The following PCK1 variants were observed in gnomAD, a reference collection of about 807,000 sequenced individuals.
PCK1 encodes the protein phosphoenolpyruvate carboxykinase 1, also known as phosphoenolpyruvate carboxykinase, cytosolic [GTP].
Under a neutral mutation model 50.3 loss-of-function variants are expected in PCK1, and 44 were observed. The observed-to-expected ratio is 0.87, with a 90% CI of 0.69 to 1.12. The LOEUF is 1.12. PCK1 is among the 50% of genes most tolerant of loss of function. The pLI is 0.00. For missense variants in PCK1, 790 were observed against 815.0 expected (o/e 0.97, Z 0.37); for synonymous variants, 332 against 314.3 (o/e 1.06, Z -0.59).
Position 57,563,161 on chromosome 20 carries a change from C to T in PCK1, c.744C>T (p.Leu248=). ...TGCTCGGGAAGAAGTGCTTTGCTCT[C>T]AGGATGGCCAGCCGGCTGGCCAAGG... ...NSLLGKKCFA[L]RMASRLAKEE... The change falls in exon 5 of 10, where the codon CTC becomes CTT. Residue 248 remains leucine, a synonymous_variant. Coordinates refer to ENST00000319441, the MANE Select transcript of PCK1 (RefSeq NM_002591.4). 1 of 1,613,776 alleles carries T rather than the reference C, an allele frequency of 6.2e-7. No homozygotes were observed. Among genetic ancestry groups the T allele is most frequent in the East Asian group, 2.2e-5 (1 of 44,850 alleles).
rs1312079166 is a variant in PCK1 at position 57,567,737 on chromosome 20, C to T, written c.*1933C>T. 6.6e-6 allele frequency: 1 copy of T among 152,202 alleles called. No individual in the cohort carries two copies. The highest frequency in any genetic ancestry group is 2.4e-5 in the African/African-American group (1 of 41,430). 9.4% of individuals were successfully genotyped at this position (152,202 alleles called of 1,614,324 possible). A position where few individuals can be genotyped will look rare whatever the true frequency, so the allele number is the denominator to read the frequency against. ...TCCTTGGACCCCTGAAAGAGGCCAC[C>T]AGGATAAACTTTGTTAAAATGCATG... On this transcript the variant is annotated 3_prime_UTR_variant, in exon 10 of 10. Coordinates refer to ENST00000319441, the MANE Select transcript of PCK1 (RefSeq NM_002591.4).
chr20:57,565,464 A>G lies in PCK1; in HGVS notation c.1529A>G (p.Lys510Arg), dbSNP rs1353709008. Reference protein sequence around the residue: ...MAQHPAAKLPKIFHVNWFRKD... With the variant: ...MAQHPAAKLPRIFHVNWFRKD... ...CAGCACCCAGCAGCCAAACTGCCCA[A>G]GATCTTCCATGTCAACTGGTTCCGG... Residue 510 changes from lysine (K) to arginine (R), a missense_variant, in exon 10 of 10, where the codon AAG (lysine) becomes AGG (arginine). Coordinates refer to ENST00000319441, the MANE Select transcript of PCK1 (RefSeq NM_002591.4). The G allele has an allele frequency of 6.2e-7, 1 of 1,614,222 alleles. No homozygotes were observed. Among genetic ancestry groups the G allele is most frequent in the African/African-American group, 1.3e-5 (1 of 75,066 alleles).
Position 57,568,045 on chromosome 20 carries a change from CCTCT to C in PCK1, c.*2242_*2245del, listed in dbSNP as rs2070218083. On this transcript the variant is annotated 3_prime_UTR_variant, in exon 10 of 10. Coordinates refer to ENST00000319441, the MANE Select transcript of PCK1 (RefSeq NM_002591.4). ...CCCAAACCATGCCTCCTGAGTGCTC[CCTCT>C]GTCTCCAAATCCTGATTTTTGTGCG... is the stretch of plus-strand genomic sequence containing the variant. The C allele has an allele frequency of 6.6e-6, 1 of 152,250 alleles. No homozygotes were observed. Among genetic ancestry groups the C allele is most frequent in the Non-Finnish European group, 1.5e-5 (1 of 68,060 alleles). The allele number at this position is 152,250 out of a possible 1,614,324, so 9.4% of individuals were successfully genotyped here.
chr20:57,561,507 G>A lies in PCK1; in HGVS notation c.96G>A (p.Glu32=), dbSNP rs1475717827. ...CCCAGGCAGTGAGGGAGTTTCTCGA[G>A]AATAACGCTGAGCTGTGTCAGCCTG... The part of the protein sequence containing the change: ...SLPQAVREFL[E]NNAELCQPDH... The change falls in exon 2 of 10, where the codon GAG becomes GAA. Residue 32 remains glutamate, a synonymous_variant. Coordinates refer to ENST00000319441, the MANE Select transcript of PCK1 (RefSeq NM_002591.4). 9 of 1,613,802 alleles carry A rather than the reference G, an allele frequency of 5.6e-6. No homozygotes were observed. Among genetic ancestry groups the A allele is most frequent in the South Asian group, 4.4e-5 (4 of 91,080 alleles).
rs144697339 is a variant in PCK1 at position 57,562,110 on chromosome 20, C to T, written c.264C>T (p.Ile88=). Residue 88 remains isoleucine, a synonymous_variant, in exon 3 of 10, where the codon ATC becomes ATT. Transcript: ENST00000319441. ...CTGACCCCAGGGATGTGGCCAGGAT[C>T]GAAAGCAAGACGGTTATCGTCACCC... ...ALTDPRDVAR[I]ESKTVIVTQE... is the part of the protein sequence containing the mutation. 1.9e-5 allele frequency: 31 copies of T among 1,614,016 alleles called. No individual in the cohort carries two copies. The highest frequency in any genetic ancestry group is 2.7e-5 in the African/African-American group (2 of 74,898).
In PCK1 at chr20:57,563,067, C is replaced by T. The variant is rs377150721; in HGVS notation, c.650C>T (p.Thr217Met). Residue 217 changes from threonine to methionine, a missense_variant, in exon 5 of 10, where the codon ACG becomes ATG. Coordinates refer to ENST00000319441, the MANE Select transcript of PCK1 (RefSeq NM_002591.4). ...VNNWPCNPEL[T>M]LIAHLPDRRE... is the part of the protein sequence containing the mutation. ...AACTGGCCCTGCAACCCGGAGCTGA[C>T]GCTCATCGCCCACCTGCCTGACCGC... 3.2e-5 allele frequency: 52 copies of T among 1,613,926 alleles called. No individual in the cohort carries two copies. Among genetic ancestry groups the T allele is most frequent in the African/African-American group, 5.3e-5 (4 of 74,946 alleles).
chr20:57,563,704 C>T lies in PCK1; in HGVS notation c.938C>T (p.Ala313Val), dbSNP rs2146528930. 1 of 1,611,578 alleles carries T rather than the reference C, an allele frequency of 6.2e-7. No homozygotes were observed. Among genetic ancestry groups the T allele is most frequent in the Non-Finnish European group, 8.5e-7 (1 of 1,178,930 alleles). The change falls in exon 6 of 10, where the codon GCC becomes GTC. Residue 313 changes from alanine to valine, a missense_variant. Ala to Val is a moderately conservative substitution (Grantham distance 64). Transcript: ENST00000319441. ...WKVECVGDDI[A>V]WMKFDAQGHL... ...GTTGAGTGCGTCGGGGATGACATTG[C>T]CTGGATGAAGTTTGACGCACAAGGT... is the stretch of plus-strand genomic sequence containing the variant.
At position 57,563,114 on chromosome 20, in the gene PCK1, A is replaced by C; in HGVS notation, c.697A>C (p.Ser233Arg). 1 of 1,614,100 alleles carries C rather than the reference A, an allele frequency of 6.2e-7. No individual in the cohort carries two copies. The highest frequency in any genetic ancestry group is 8.5e-7 in the Non-Finnish European group (1 of 1,180,008). Reference sequence around the variant, plus strand: ...CCGCAGAGAGATCATCTCCTTTGGCAGTGGGTACGGCGGGAACTCGCTGCT... The same window carrying C: ...CCGCAGAGAGATCATCTCCTTTGGCCGTGGGTACGGCGGGAACTCGCTGCT... Reference protein sequence around the residue: ...PDRREIISFGSGYGGNSLLGK... With the variant: ...PDRREIISFGRGYGGNSLLGK... Residue 233 changes from serine to arginine, a missense_variant, in exon 5 of 10, where the codon AGT (serine) becomes CGT (arginine). By Grantham distance (110) the Ser-to-Arg change is moderately radical. Coordinates refer to ENST00000319441, the MANE Select transcript of PCK1 (RefSeq NM_002591.4).
chr20:57,562,739 C>G lies in PCK1; in HGVS notation c.450C>G (p.Gly150=). 6.2e-7 allele frequency: 1 copy of G among 1,614,024 alleles called. No individual in the cohort carries two copies. The highest frequency in any genetic ancestry group is 1.1e-5 in the South Asian group (1 of 91,070). ...TCCCATTCAGCATGGGGCCGCTGGG[C>G]TCGCCTCTGTCAAAGATCGGCATCG... is the stretch of plus-strand genomic sequence containing the variant. ...YVIPFSMGPL[G]SPLSKIGIEL... Residue 150 remains glycine, a synonymous_variant, in exon 4 of 10, where the codon GGC becomes GGG. Coordinates refer to ENST00000319441, the MANE Select transcript of PCK1 (RefSeq NM_002591.4).
intron 5 of PCK1, 158 bp from the exon 6 acceptor site, chr20:57,563,407 C>T (rs185923965): frequency 2.5e-4 from 172 of 683,910 alleles, no homozygotes; most frequent in Admixed American, 4.9e-4. Flanking sequence ...ACCAGGGGAC[C>T]ATAGAGATCC....
intron 9 of PCK1, 72 bp from the exon 10 acceptor site, chr20:57,565,278 G>A (rs1459701283): frequency 5.9e-6 from 8 of 1,364,420 alleles, no homozygotes; most frequent in African/African-American, 5.7e-5. Context: ...GCATGCTAAT[G>A]TCAACAATCA....
chr20:57,563,783 C>T (rs770195437), intron 6 of PCK1, 56 bp downstream of exon 6: 75 of 1,399,550 alleles, frequency 5.4e-5, no homozygotes, highest in Non-Finnish European at 7.3e-5. Context: ...AATCGTTGGC[C>T]TTCGAAACAT....
In PCK1 at chr20:57,566,059, A is replaced by C. The variant is rs2070201924; in HGVS notation, c.*255A>C. ...CACATCCAATGCATAGTTTGTTCAAATTTAAGGTTACTCAGGCATTGATCT... is the reference window on the plus strand; with the variant it reads ...CACATCCAATGCATAGTTTGTTCAACTTTAAGGTTACTCAGGCATTGATCT... On this transcript the variant is annotated 3_prime_UTR_variant, in exon 10 of 10. Transcript: ENST00000319441. The C allele has an allele frequency of 2.2e-6, 1 of 447,506 alleles. No individual in the cohort carries two copies. Among genetic ancestry groups the C allele is most frequent in the African/African-American group, 2.0e-5 (1 of 50,778 alleles). The allele number at this position is 447,506 out of a possible 1,614,324, so 27.7% of individuals were successfully genotyped here.
At chr20:57,565,298 G>A in intron 9 of PCK1, 52 bp from the exon 10 acceptor site, 3 of 1,473,312 alleles carry the variant, frequency 2.0e-6, no homozygotes, top group South Asian at 2.3e-5. Flanking sequence ...AATGGCGTCA[G>A]TCTTGCCTAG....
In PCK1 at chr20:57,563,182, C is replaced by T. The variant is rs1303415405; in HGVS notation, c.765C>T (p.Ala255=). The T allele has an allele frequency of 1.2e-6, 2 of 1,613,750 alleles. No homozygotes were observed. Among genetic ancestry groups the T allele is most frequent in the Admixed American group, 1.7e-5 (1 of 60,020 alleles). The change falls in exon 5 of 10, where the codon GCC becomes GCT. Residue 255 remains alanine (A), a synonymous_variant. Transcript: ENST00000319441. ...CFALRMASRL[A]KEEGWLAEHM... ...CTCTCAGGATGGCCAGCCGGCTGGC[C>T]AAGGAGGAAGGGTGGCTGGCAGAGC...
rs1600707216 is a variant in PCK1 at position 57,563,176 on chromosome 20, G to T, written c.759G>T (p.Arg253=). ...KKCFALRMAS[R]LAKEEGWLAE... ...GCTTTGCTCTCAGGATGGCCAGCCG[G>T]CTGGCCAAGGAGGAAGGGTGGCTGG... Residue 253 remains arginine, a synonymous_variant, in exon 5 of 10, where the codon CGG becomes CGT. Transcript: ENST00000319441. 2 of 1,613,746 alleles carry T rather than the reference G, an allele frequency of 1.2e-6. No individual in the cohort carries two copies. The highest frequency in any genetic ancestry group is 1.1e-5 in the South Asian group (1 of 91,086).
chr20:57,567,822 A>T lies in PCK1; in HGVS notation c.*2018A>T, dbSNP rs930800060. The T allele has an allele frequency of 6.6e-6, 1 of 152,380 alleles. No homozygotes were observed. 9.4% of individuals were successfully genotyped at this position (152,380 alleles called of 1,614,324 possible). On this transcript the variant is annotated 3_prime_UTR_variant, in exon 10 of 10. Coordinates refer to ENST00000319441, the MANE Select transcript of PCK1 (RefSeq NM_002591.4). ...TAGTCTCCACTCCCTCGGCAGGCAA[A>T]GACACTGGCCATCTCCAAATTCCCT...
intron 5 of PCK1, 112 bp from the exon 6 acceptor site, chr20:57,563,453 C>A: frequency 1.3e-6 from 1 of 773,046 alleles, no homozygotes; most frequent in African/African-American, 1.7e-5. Flanking sequence ...TTTGTTTGCA[C>A]TGATACCTGA....
chr20:57,566,072 C>T lies in PCK1; in HGVS notation c.*268C>T. On this transcript the variant is annotated 3_prime_UTR_variant, in exon 10 of 10. Transcript: ENST00000319441. ...TAGTTTGTTCAAATTTAAGGTTACT[C>T]AGGCATTGATCTTTTCAGTGTTTTT... 2.4e-6 allele frequency: 1 copy of T among 422,066 alleles called. No homozygotes were observed. Among genetic ancestry groups the T allele is most frequent in the Non-Finnish European group, 4.2e-6 (1 of 235,906 alleles). 26.1% of individuals were successfully genotyped at this position (422,066 alleles called of 1,614,324 possible).
Sources: gnomAD v4.1 joint callset for allele counts on GRCh38, gnomAD v4.1.1 for gene constraint, MANE v1.5 for transcripts, NCBI Gene and HGNC (gene_info 2026-07-23, HGNC 2026-07-21) for gene names.